Variants in UBE2V2 observed in about 807,000 individuals in gnomAD.
UBE2V2 encodes the protein ubiquitin-conjugating enzyme E2 variant 2.
In UBE2V2, 9 loss-of-function variants were observed where a neutral mutation model predicts 17.2. The ratio of observed to expected loss-of-function variants is 0.52; its 90% CI spans 0.32 to 0.91. The LOEUF (loss-of-function observed/expected upper bound fraction) is 0.91, where lower values mean the gene tolerates loss of function less well. Among genes scored for constraint, UBE2V2 ranks in the 40% least tolerant of loss-of-function variants. UBE2V2 has a pLI of 0.04. For missense variants in UBE2V2, 133 were observed against 182.6 expected (o/e 0.73, Z 1.56); for synonymous variants, 61 against 57.5 (o/e 1.06, Z -0.28).
intron 1 of UBE2V2, among the ~76,000 whole-genome samples, chr8:48,026,921 G>A (rs922352306): frequency 2.6e-5 from 4 of 152,174 alleles, no homozygotes; most frequent in Admixed American, 2.6e-4. Flanking sequence ...ACCTAGGAGT[G>A]GAACTGCTGG....
intron 3 of UBE2V2, among the ~76,000 whole-genome samples, chr8:48,059,460 G>A (rs899392407): frequency 6.6e-6 from 1 of 151,896 alleles, no homozygotes. Context: ...CCAGGCTGGA[G>A]TGCAATGGCG....
At chr8:48,013,864 C>T (rs2091249910) in intron 1 of UBE2V2, among the ~76,000 whole-genome samples, 1 of 152,190 alleles carries the variant, frequency 6.6e-6, no homozygotes, top group African/African-American at 2.4e-5. Context: ...CCTGCTGCCC[C>T]TGACAGACTA....
chr8:48,021,836 C>T (rs374216669), intron 1 of UBE2V2, among the ~76,000 whole-genome samples: 23 of 151,538 alleles, frequency 1.5e-4, no homozygotes, highest in Non-Finnish European at 2.2e-4. Context: ...TACAGGTATG[C>T]GCCACCATGT....
At chr8:48,034,390 G>T (rs2091406476) in intron 1 of UBE2V2, among the ~76,000 whole-genome samples, 1 of 152,108 alleles carries the variant, frequency 6.6e-6, no homozygotes, top group South Asian at 2.1e-4. Context: ...CTCCCAAAGT[G>T]CTGGGATTAC....
chr8:48,022,485 C>G (rs2091312568), intron 1 of UBE2V2, among the ~76,000 whole-genome samples: 1 of 152,148 alleles, frequency 6.6e-6, no homozygotes, highest in Admixed American at 6.6e-5. Flanking sequence ...TAGTTACTTT[C>G]AATAGTTTTG....
intron 1 of UBE2V2, chr8:48,041,686 CTTTCAA>C (rs2091465314): frequency 6.6e-6 from 1 of 152,098 alleles, no homozygotes; most frequent in Non-Finnish European, 1.5e-5. Context: ...GGTAGGAATA[CTTTCAA>C]TTTCAGATAA....
chr8:48,018,617 T>C (rs973783060), intron 1 of UBE2V2, among the ~76,000 whole-genome samples: 1 of 152,218 alleles, frequency 6.6e-6, no homozygotes, highest in African/African-American at 2.4e-5. Flanking sequence ...CTTAAAATAA[T>C]GTATTATGCC....
In UBE2V2 at chr8:48,033,209, C is replaced by T. The variant is rs574281042; in HGVS notation, c.17-9824C>T. On this transcript the variant is annotated intron_variant, in intron 1 of 3. Transcript: ENST00000523111. The stretch of plus-strand genomic sequence containing the variant: ...TTTTTCCATTTTTTTTTTCCTGAGA[C>T]GGTGTCTTTCTCTGTTGCCCAGGCT... Among the ~76,000 whole-genome samples the T allele has an allele frequency of 3.3e-5, 5 of 151,580 alleles. No homozygotes were observed. The East Asian group carries it at 7.7e-4, about 23-fold the overall frequency.
chr8:48,059,465 A>C (rs548942866), intron 3 of UBE2V2, among the ~76,000 whole-genome samples: 81 of 151,618 alleles, frequency 5.3e-4, no homozygotes, highest in African/African-American at 1.8e-3. Context: ...CTGGAGTGCA[A>C]TGGCGTGGTC....
At chr8:48,045,986 G>A (rs2091496115) in intron 2 of UBE2V2, among the ~76,000 whole-genome samples, 1 of 152,082 alleles carries the variant, frequency 6.6e-6, no homozygotes, top group South Asian at 2.1e-4. Context: ...GGCTCTTGTT[G>A]CCCAGGCTAA....
intron 1 of UBE2V2, among the ~76,000 whole-genome samples, chr8:48,025,685 C>T (rs1190252103): frequency 6.6e-5 from 10 of 151,664 alleles, no homozygotes; most frequent in Admixed American, 2.0e-4. Context: ...CTGCAAGCTC[C>T]GCCTCCTGGG....
the UBE2V2 span, among the ~76,000 whole-genome samples, chr8:48,001,901 C>T: frequency 1.3e-5 from 2 of 152,106 alleles, no homozygotes; most frequent in South Asian, 2.1e-4. Context: ...ACCAGCCTGA[C>T]CAACATAGTG....
At chr8:48,015,261 C>T (rs924186066) in intron 1 of UBE2V2, among the ~76,000 whole-genome samples, 8 of 151,680 alleles carry the variant, frequency 5.3e-5, no homozygotes, top group Non-Finnish European at 8.8e-5. Context: ...ACCTGCAGTC[C>T]CAGCTACTTG....
intron 1 of UBE2V2, chr8:48,034,802 A>G (rs2091410059): frequency 1.3e-5 from 2 of 152,634 alleles, no homozygotes; most frequent in Non-Finnish European, 2.9e-5. Context: ...GCTTCAAACG[A>G]TGATTGATTT....
intron 1 of UBE2V2, among the ~76,000 whole-genome samples, chr8:48,010,360 T>G (rs1018149150): frequency 6.6e-6 from 1 of 150,440 alleles, no homozygotes; most frequent in African/African-American, 2.4e-5. Flanking sequence ...CCTCCCAAAG[T>G]GCTGGATTAC....
intron 1 of UBE2V2, among the ~76,000 whole-genome samples, chr8:48,036,432 CA>C (rs748940732): frequency 1.3e-5 from 2 of 151,146 alleles, no homozygotes; most frequent in Non-Finnish European, 3.0e-5. Flanking sequence ...ATTCTTGACT[CA>C]AAAAAATATA....
the UBE2V2 span, among the ~76,000 whole-genome samples, chr8:48,000,821 CA>C: frequency 0.086 from 1,769 of 20,528 alleles, 10 homozygotes; most frequent in Admixed American, 0.18. Context: ...GACTTTGCCT[CA>C]AAAAAAAAAA....
chr8:48,054,545 T>G (rs1350156240), intron 3 of UBE2V2, among the ~76,000 whole-genome samples: 1 of 152,248 alleles, frequency 6.6e-6, no homozygotes, highest in East Asian at 1.9e-4. Flanking sequence ...TCTCTTCATT[T>G]ACATCTAAGA....
intron 3 of UBE2V2, among the ~76,000 whole-genome samples, chr8:48,050,841 G>A (rs551181475): frequency 7.8e-4 from 119 of 152,180 alleles, no homozygotes; most frequent in African/African-American, 2.8e-3. Flanking sequence ...AAATATGTCT[G>A]TGTTGAAACA....
Sources: allele counts gnomAD v4.1 joint callset (sites outside exome capture counted in the v4.1 genomes callset), GRCh38; gene constraint gnomAD v4.1.1; transcripts MANE v1.5; gene names NCBI Gene and HGNC (gene_info 2026-07-23, HGNC 2026-07-21).